The following TSPAN33 variants were observed in gnomAD, a reference collection of about 807,000 sequenced individuals.
TSPAN33 encodes the protein tetraspanin-33.
In TSPAN33, 27 loss-of-function variants were observed where a neutral mutation model predicts 34.8. The observed-to-expected ratio is 0.78, with a 90% CI of 0.57 to 1.07. TSPAN33 has a LOEUF of 1.07. Ranked by LOEUF, TSPAN33 falls within the 50% of genes least tolerant of loss-of-function variation. TSPAN33 has a pLI of 0.00. For synonymous variants in TSPAN33, 119 were observed against 124.2 expected, an observed-to-expected ratio of 0.96 and a Z score of 0.28; for missense variants, 272 against 324.9, an observed-to-expected ratio of 0.84 and a Z score of 1.25.
Position 129,169,234 on chromosome 7 carries a change from C to A in TSPAN33, c.*1360C>A, listed in dbSNP as rs939086853. 6.6e-6 allele frequency among the ~76,000 whole-genome samples: 1 copy of A among 152,334 alleles called. No individual in the cohort carries two copies. The highest frequency in any genetic ancestry group is 1.9e-4 in the East Asian group (1 of 5,172). Reference sequence around the variant, plus strand: ...CTCCAGGACCTTCTCCCTGAGTCGGCTGTAGGGAGGACTCCGAGGAAGCTC... The same window carrying A: ...CTCCAGGACCTTCTCCCTGAGTCGGATGTAGGGAGGACTCCGAGGAAGCTC... On this transcript the variant is annotated 3_prime_UTR_variant, in exon 8 of 8. Coordinates refer to ENST00000486685, the MANE Select transcript of TSPAN33 (RefSeq NM_178562.5).
At chr7:129,145,408 G>A (rs969941069) in intron 1 of TSPAN33, among the ~76,000 whole-genome samples, 11 of 152,180 alleles carry the variant, frequency 7.2e-5, no homozygotes, top group Non-Finnish European at 1.6e-4. Flanking sequence ...TGGGGGTCGG[G>A]GGTGGCGGCT....
chr7:129,151,778 A>G (rs1810598907), intron 1 of TSPAN33, among the ~76,000 whole-genome samples: 1 of 152,154 alleles, frequency 6.6e-6, no homozygotes, highest in African/African-American at 2.4e-5. Context: ...ACAAGTAGCA[A>G]CTATTATGGA....
chr7:129,162,974 T>C, intron 4 of TSPAN33, 67 bp downstream of exon 4: 12 of 1,493,294 alleles, frequency 8.0e-6, no homozygotes, highest in Non-Finnish European at 1.0e-5. Context: ...TTCCTGCCCA[T>C]GTTTAGCCTG....
rs982093482 is a variant in TSPAN33 at position 129,167,979 on chromosome 7, C to A, written c.*105C>A. 3 of 1,500,170 alleles carry A rather than the reference C, an allele frequency of 2.0e-6. No homozygotes were observed. The highest frequency in any genetic ancestry group is 2.6e-5 in the South Asian group (2 of 75,978). The allele number at this position is 1,500,170 out of a possible 1,614,324, so 92.9% of individuals were successfully genotyped here. ...AATGGAGATTTGGATTCCAGCCCCC[C>A]AGTGACAGCCCAGTGGGAAGAAGCA... On this transcript the variant is annotated 3_prime_UTR_variant, in exon 8 of 8. Transcript: ENST00000486685. This position sits in a 1 kb window ranked among gnomAD's most constrained non-coding sequence, Gnocchi z 4.6.
Position 129,153,077 on chromosome 7 carries a change from A to AAAAAG in TSPAN33, c.102+7999_102+8000insGAAAA, listed in dbSNP as rs1554455404. Among the ~76,000 whole-genome samples, 27 of 142,764 alleles carry AAAAAG rather than the reference A, an allele frequency of 1.9e-4. No individual in the cohort carries two copies. In the East Asian group the frequency reaches 4.4e-3, roughly 24 times the overall value. The allele number at this position is 142,764 out of a possible 152,430, so 93.7% of individuals were successfully genotyped here. On this transcript the variant is annotated intron_variant, in intron 1 of 7. Coordinates refer to ENST00000486685, the MANE Select transcript of TSPAN33 (RefSeq NM_178562.5). ...TCCGTCTCAAAAAAAAAAAAAAAAA[A>AAAAAG]AAAAAGAAAAAGAAAAAGAAAACAT...
chr7:129,161,797 C>T (rs1584639541), intron 2 of TSPAN33, 61 bp downstream of exon 2: 3 of 1,603,726 alleles, frequency 1.9e-6, no homozygotes, highest in East Asian at 4.5e-5. Flanking sequence ...CCCTCTGCCT[C>T]CTTCAGCCTG....
intron 1 of TSPAN33, among the ~76,000 whole-genome samples, chr7:129,152,358 T>C (rs539949515): frequency 3.9e-5 from 6 of 152,244 alleles, no homozygotes; most frequent in Middle Eastern, 3.4e-3. Context: ...GGAGAAACAA[T>C]TGTGTTACAG....
At position 129,155,610 on chromosome 7, in the gene TSPAN33, A is replaced by C. The variant is rs940767684; in HGVS notation, c.103-6069A>C. Among the ~76,000 whole-genome samples, 10 of 152,142 alleles carry C rather than the reference A, an allele frequency of 6.6e-5. No homozygotes were observed. In the East Asian group the frequency reaches 1.9e-3, roughly 29 times the overall value. On this transcript the variant is annotated intron_variant, in intron 1 of 7. Coordinates refer to ENST00000486685, the MANE Select transcript of TSPAN33 (RefSeq NM_178562.5). ...TGTTATTAACACATTAGTATGATAC[A>C]TTTGTTGTAATTAATAGTATTATCA...
At chr7:129,152,447 G>A (rs1193913539) in intron 1 of TSPAN33, among the ~76,000 whole-genome samples, 1 of 152,106 alleles carries the variant, frequency 6.6e-6, no homozygotes, top group Non-Finnish European at 1.5e-5. Flanking sequence ...TAATCTTTTG[G>A]AGGCTGAGGC....
At chr7:129,159,435 G>A (rs1260701373) in intron 1 of TSPAN33, among the ~76,000 whole-genome samples, 3 of 152,164 alleles carry the variant, frequency 2.0e-5, no homozygotes, top group Non-Finnish European at 4.4e-5. Flanking sequence ...AGTAGTGCTT[G>A]TTTGGCCTTT....
At chr7:129,160,599 A>G (rs374975831) in intron 1 of TSPAN33, among the ~76,000 whole-genome samples, 119 of 152,058 alleles carry the variant, frequency 7.8e-4, no homozygotes, top group African/African-American at 2.8e-3. Context: ...AAAGATCTAA[A>G]CTCCTCTCTA....
chr7:129,162,938 G>A, intron 4 of TSPAN33, 31 bp downstream of exon 4: 9 of 1,606,282 alleles, frequency 5.6e-6, no homozygotes, highest in Non-Finnish European at 7.7e-6. Context: ...GCCTCCTCAG[G>A]TGTGACCCAG....
intron 1 of TSPAN33, among the ~76,000 whole-genome samples, chr7:129,150,461 T>C (rs1810578179): frequency 1.3e-5 from 2 of 152,128 alleles, no homozygotes; most frequent in Non-Finnish European, 2.9e-5. Context: ...TGATGGCTGA[T>C]GTGAATAGGC....
intron 1 of TSPAN33, among the ~76,000 whole-genome samples, chr7:129,149,239 C>T (rs1810560492): frequency 6.6e-6 from 1 of 152,154 alleles, no homozygotes; most frequent in Non-Finnish European, 1.5e-5. Context: ...AGTAGAAAAC[C>T]ATAAACGTCA....
chr7:129,151,606 G>T (rs1002611418), intron 1 of TSPAN33, among the ~76,000 whole-genome samples: 2 of 152,064 alleles, frequency 1.3e-5, no homozygotes, highest in African/African-American at 4.8e-5. Flanking sequence ...TAGAATAAGG[G>T]TTTCTCCTTT....
intron 2 of TSPAN33, among the ~76,000 whole-genome samples, chr7:129,162,128 C>A (rs1793063545): frequency 6.6e-6 from 1 of 152,252 alleles, no homozygotes; most frequent in Non-Finnish European, 1.5e-5. Flanking sequence ...CATTCCAATT[C>A]TTTTGCGGAG....
At chr7:129,153,273 C>T (rs1167244524) in intron 1 of TSPAN33, among the ~76,000 whole-genome samples, 1 of 151,878 alleles carries the variant, frequency 6.6e-6, no homozygotes, top group Non-Finnish European at 1.5e-5. Flanking sequence ...TTAATGGGTA[C>T]AGGGTTTCTA....
chr7:129,164,810 C>A, intron 5 of TSPAN33: 1 of 433,684 alleles, frequency 2.3e-6, no homozygotes, highest in Non-Finnish European at 4.3e-6. Context: ...AGGAACTGGG[C>A]AGATTCTTGA....
chr7:129,145,568 C>T (rs1358620821), intron 1 of TSPAN33, among the ~76,000 whole-genome samples: 1 of 151,804 alleles, frequency 6.6e-6, no homozygotes, highest in Non-Finnish European at 1.5e-5. Context: ...ACCTCCACCC[C>T]CCCAAAGTCT....
Sources: gnomAD v4.1 joint callset for allele counts (sites outside exome capture counted in the v4.1 genomes callset) on GRCh38, gnomAD v4.1.1 for gene constraint, Gnocchi (gnomAD v3.1) non-coding constraint, MANE v1.5 for transcripts, NCBI Gene and HGNC (gene_info 2026-07-23, HGNC 2026-07-21) for gene names.